Variants in C16orf96 observed in about 807,000 individuals in gnomAD.
C16orf96 encodes uncharacterized protein C16orf96.
Under a neutral mutation model 103.6 loss-of-function variants are expected in C16orf96, and 108 were observed. The ratio of observed to expected loss-of-function variants is 1.04; its 90% confidence interval spans 0.89 to 1.22. The LOEUF (loss-of-function observed/expected upper bound fraction) is 1.22. Among genes scored for constraint, C16orf96 ranks in the 50% most tolerant of loss-of-function variants. The probability of loss-of-function intolerance (pLI) is 0.00; values close to 1 mark genes in which losing one functional copy is unlikely to be tolerated. For missense variants in C16orf96, 1,586 were observed against 1,464.2 expected (o/e 1.08, Z -1.36); for synonymous variants, 566 against 593.5 (o/e 0.95, Z 0.67).
intron 9 of C16orf96, among the ~76,000 whole-genome samples, chr16:4,589,394 C>G (rs142027389): frequency 1.4e-5 from 2 of 138,918 alleles, no homozygotes; most frequent in South Asian, 5.0e-4. Flanking sequence ...GCCTGGGCAA[C>G]ATGGTGAAAC....
Position 4,575,900 on chromosome 16 carries a change from C to A in C16orf96, c.1420C>A (p.Arg474Ser), listed in dbSNP as rs755120382. 2 of 1,551,338 alleles carry A rather than the reference C, an allele frequency of 1.3e-6. No individual in the cohort carries two copies. Among genetic ancestry groups the A allele is most frequent in the Non-Finnish European group, 1.7e-6 (2 of 1,146,948 alleles). Residue 474 changes from arginine to serine, a missense_variant, in exon 5 of 16, where the codon CGC becomes AGC. Coordinates refer to ENST00000444310, the MANE Select transcript of C16orf96 (RefSeq NM_001145011.2). ...CCTAAGGGGCCTTCGGGAGAGGGCC[C>A]GCAAGGATGGGGCCCCCAAGGATAG... The part of the protein sequence containing the change: ...PSLRGLRERA[R>S]KDGAPKDRTR...
intron 1 of C16orf96, 28 bp downstream of exon 1, chr16:4,556,937 T>G: frequency 1.3e-6 from 2 of 1,513,056 alleles, no homozygotes; most frequent in Non-Finnish European, 1.8e-6. Context: ...AGACACTTCT[T>G]TTCCTCCCTT....
chr16:4,546,933 C>A, the C16orf96 span, among the ~76,000 whole-genome samples: 1 of 152,112 alleles, frequency 6.6e-6, no homozygotes, highest in Non-Finnish European at 1.5e-5. Flanking sequence ...GTGAAAGAAG[C>A]CATCCATTTC....
At chr16:4,545,255 G>A in the C16orf96 span, among the ~76,000 whole-genome samples, 1 of 152,198 alleles carries the variant, frequency 6.6e-6, no homozygotes, top group Non-Finnish European at 1.5e-5. Context: ...CACCCAGGCT[G>A]GAGTGCAGTG....
chr16:4,548,457 C>A, the C16orf96 span, among the ~76,000 whole-genome samples: 9 of 152,204 alleles, frequency 5.9e-5, no homozygotes, highest in Non-Finnish European at 1.5e-5. Flanking sequence ...TGACAGGTGT[C>A]TTTCTACCTC....
At chr16:4,574,424 G>A (rs1473225983) in intron 2 of C16orf96, among the ~76,000 whole-genome samples, 1 of 151,936 alleles carries the variant, frequency 6.6e-6, no homozygotes, top group Non-Finnish European at 1.5e-5. Context: ...GTTTCACCAT[G>A]TTGGCCAGGC....
rs551993414 is a variant in C16orf96, at chr16:4,576,028, T to A, written c.1548T>A (p.Asp516Glu). 1 of 1,551,052 alleles carries A rather than the reference T, an allele frequency of 6.4e-7. No individual in the cohort carries two copies. Among genetic ancestry groups the A allele is most frequent in the African/African-American group, 1.4e-5 (1 of 72,996 alleles). ...TCCCCAAAGATAGAGGTGGCAAGGA[T>A]GTGGACCCCAAGGATAGAGCTCACA... is the stretch of plus-strand genomic sequence containing the variant. ...DDVPKDRGGKDVDPKDRAHKD... is the reference protein window; with the variant it reads ...DDVPKDRGGKEVDPKDRAHKD... The change falls in exon 5 of 16, where the codon GAT (aspartate) becomes GAA (glutamate). Residue 516 changes from aspartate (D) to glutamate (E), a missense_variant. Coordinates refer to ENST00000444310, the MANE Select transcript of C16orf96 (RefSeq NM_001145011.2).
chr16:4,589,449 C>G (rs1212089229), intron 9 of C16orf96, among the ~76,000 whole-genome samples: 1 of 150,504 alleles, frequency 6.6e-6, no homozygotes, highest in African/African-American at 2.4e-5. Context: ...TGTGGTGGCA[C>G]ATACCTGCAT....
chr16:4,538,839 G>C, the C16orf96 span: 1 of 152,276 alleles, frequency 6.6e-6, no homozygotes, highest in African/African-American at 2.4e-5. Flanking sequence ...GGGGGGTGGG[G>C]TCTCGGGAGG....
At chr16:4,588,446 A>C (rs1482753760) in intron 9 of C16orf96, 115 bp downstream of exon 9, 1 of 1,213,128 alleles carries the variant, frequency 8.2e-7, no homozygotes, top group African/African-American at 1.5e-5. Flanking sequence ...GGAGTGACCC[A>C]GCAACTTAGC....
At chr16:4,598,613 C>T (rs1567137770) in intron 14 of C16orf96, among the ~76,000 whole-genome samples, 1 of 151,502 alleles carries the variant, frequency 6.6e-6, no homozygotes, top group South Asian at 2.1e-4. Context: ...GATTTTACTT[C>T]GAATAATGAA....
the C16orf96 span, among the ~76,000 whole-genome samples, chr16:4,547,451 T>A: frequency 1.3e-5 from 2 of 149,556 alleles, no homozygotes; most frequent in Non-Finnish European, 2.9e-5. Flanking sequence ...TATTGTGTGA[T>A]TCAGTTTACA....
At chr16:4,585,797 C>T (rs1233670740) in intron 7 of C16orf96, among the ~76,000 whole-genome samples, 19 of 152,190 alleles carry the variant, frequency 1.2e-4, no homozygotes, top group Non-Finnish European at 1.5e-5. Context: ...TTTGGAGCAA[C>T]TTGGATGGAG....
intron 13 of C16orf96, 72 bp downstream of exon 13, chr16:4,594,582 C>T (rs1343204339): frequency 1.3e-6 from 2 of 1,540,572 alleles, no homozygotes; most frequent in Non-Finnish European, 1.8e-6. Context: ...TGGGACCAGG[C>T]ACTGAGCAGT....
chr16:4,592,863 A>G (rs1275121661), intron 11 of C16orf96, among the ~76,000 whole-genome samples: 2 of 151,876 alleles, frequency 1.3e-5, no homozygotes, highest in African/African-American at 4.8e-5. Context: ...CCTCATATCA[A>G]AAAAAAAGGC....
At chr16:4,549,980 A>AC in the C16orf96 span, among the ~76,000 whole-genome samples, 1 of 151,966 alleles carries the variant, frequency 6.6e-6, no homozygotes, top group African/African-American at 2.4e-5. Flanking sequence ...TTTATCAATT[A>AC]CCCAGTCTCA....
intron 7 of C16orf96, among the ~76,000 whole-genome samples, chr16:4,583,880 G>T (rs995949020): frequency 1.6e-5 from 2 of 128,262 alleles, no homozygotes; most frequent in African/African-American, 3.0e-5. Context: ...AGCCAAGATC[G>T]CACCACTGCA....
Position 4,574,987 on chromosome 16 carries a change from A to C in C16orf96, c.622A>C (p.Lys208Gln). The C allele has an allele frequency of 1.9e-6, 3 of 1,551,414 alleles. No individual in the cohort carries two copies. The highest frequency in any genetic ancestry group is 2.6e-6 in the Non-Finnish European group (3 of 1,146,956). ...LQREVASLQNKFKTIPKTEDM... is the reference protein window; with the variant it reads ...LQREVASLQNQFKTIPKTEDM... ...CACCTTGCAGGCTTCTCTCCAGAAT[A>C]AGTTTAAAACCATCCCCAAAACCGA... Residue 208 changes from lysine to glutamine, a missense_variant, in exon 4 of 16, where the codon AAG becomes CAG. By Grantham distance (53) the Lys-to-Gln change is moderately conservative. Coordinates refer to ENST00000444310, the MANE Select transcript of C16orf96 (RefSeq NM_001145011.2).
intron 7 of C16orf96, among the ~76,000 whole-genome samples, chr16:4,581,259 C>T (rs1318398454): frequency 3.4e-5 from 5 of 145,036 alleles, no homozygotes; most frequent in East Asian, 2.1e-4. Flanking sequence ...CGCTTGAACC[C>T]GGGAGGTGGA....
Sources: allele counts gnomAD v4.1 joint callset (sites outside exome capture counted in the v4.1 genomes callset), GRCh38; gene constraint gnomAD v4.1.1; transcripts MANE v1.5; gene names NCBI Gene and HGNC (gene_info 2026-07-23, HGNC 2026-07-21).